Variants in SPNS1 observed in about 807,000 individuals in gnomAD.
SPNS1 encodes the protein protein spinster homolog 1.
A neutral mutation model predicts 50.3 loss-of-function variants in SPNS1; 22 were observed. That is an observed-to-expected ratio of 0.44 (90% CI 0.31 to 0.62). SPNS1 has a LOEUF of 0.62. Ranked by LOEUF, SPNS1 falls within the 20% of genes least tolerant of loss-of-function variation. The pLI, the probability that SPNS1 is intolerant of heterozygous loss-of-function variation, is 0.07. For synonymous variants in SPNS1, 295 were observed against 317.4 expected, an observed-to-expected ratio of 0.93 and a Z score of 0.75; for missense variants, 576 against 728.6, an observed-to-expected ratio of 0.79 and a Z score of 2.41.
rs4539629 is a variant in SPNS1, at chr16:28,981,434, C to T, written c.664-36C>T. 28,756 of 1,613,046 alleles carry T rather than the reference C, an allele frequency of 0.018. 1,582 individuals are homozygous for T. The Admixed American group carries it at 0.2, about 11-fold the overall frequency. ...TCCAGCCCAGGGCTTGAGTGTGTCT[C>T]TCCCTGTGCCTATCCTGAAGCCCTC... On this transcript the variant is annotated intron_variant, in intron 5 of 11. Transcript: ENST00000311008. The surrounding 1 kb of genome is among the most constrained non-coding windows in gnomAD (Gnocchi z 4.2).
chr16:28,981,943 C>T lies in SPNS1; in HGVS notation c.852C>T (p.Ala284=), dbSNP rs1412940435. ...VLSSLGFTAV[A]FVTGSLALWA... ...CTTCCCTGGGCTTCACTGCTGTGGC[C>T]TTTGTCACGGGCTCCCTGGCTCTGT... Residue 284 remains alanine (A), a synonymous_variant, in exon 7 of 12, where the codon GCC becomes GCT. Coordinates refer to ENST00000311008, the MANE Select transcript of SPNS1 (RefSeq NM_032038.3). This position sits in a 1 kb window ranked among gnomAD's most constrained non-coding sequence, Gnocchi z 4.2. 2 of 1,614,132 alleles carry T rather than the reference C, an allele frequency of 1.2e-6. No homozygotes were observed. Among genetic ancestry groups the T allele is most frequent in the Non-Finnish European group, 1.7e-6 (2 of 1,180,062 alleles).
intron 3 of SPNS1, chr16:28,978,885 C>G (rs1965436773): frequency 2.2e-6 from 1 of 451,826 alleles, no homozygotes; most frequent in South Asian, 3.4e-5. Context: ...TTATTTAGAC[C>G]TTTTATTGTC....
At position 28,974,862 on chromosome 16, in the gene SPNS1, G is replaced by C. The variant is rs2141659553; in HGVS notation, c.-290G>C. ...AGCAAGTGCAGCGGGCTCCTACCCCGGGTGAGGGGTGGCCTCCGCGTGGGA... is the reference window on the plus strand; with the variant it reads ...AGCAAGTGCAGCGGGCTCCTACCCCCGGTGAGGGGTGGCCTCCGCGTGGGA... On this transcript the variant is annotated 5_prime_UTR_variant, in exon 1 of 12. Coordinates refer to ENST00000311008, the MANE Select transcript of SPNS1 (RefSeq NM_032038.3). 4.6e-6 allele frequency: 7 copies of C among 1,535,248 alleles called. No homozygotes were observed. The highest frequency in any genetic ancestry group is 6.1e-6 in the Non-Finnish European group (7 of 1,146,380).
At chr16:28,979,608 T>C in intron 5 of SPNS1, 137 bp downstream of exon 5, 1 of 870,914 alleles carries the variant, frequency 1.1e-6, no homozygotes, top group African/African-American at 1.7e-5. Context: ...TGCAGTGCAG[T>C]GGTGCAGTCA....
At chr16:28,979,066 C>T (rs1370348455) in intron 3 of SPNS1, 89 bp from the exon 4 acceptor site, 8 of 1,508,190 alleles carry the variant, frequency 5.3e-6, no homozygotes, top group Non-Finnish European at 7.2e-6. Flanking sequence ...CTCCCGCCAT[C>T]CCTGCTGCCT....
At chr16:28,977,664 G>A (rs1246341838) in intron 2 of SPNS1, among the ~76,000 whole-genome samples, 1 of 152,170 alleles carries the variant, frequency 6.6e-6, no homozygotes, top group Non-Finnish European at 1.5e-5. Flanking sequence ...TTTTGGCTAG[G>A]TGGAAGGAAT....
chr16:28,980,438 C>T (rs2141671377), intron 5 of SPNS1: 1 of 152,214 alleles, frequency 6.6e-6, no homozygotes, highest in South Asian at 2.1e-4. Flanking sequence ...CTCCAAATAC[C>T]CCTTTTTTGG....
At chr16:28,977,519 T>A (rs1965387341) in intron 2 of SPNS1, among the ~76,000 whole-genome samples, 1 of 152,002 alleles carries the variant, frequency 6.6e-6, no homozygotes, top group Admixed American at 6.6e-5. Context: ...CCTAGTGGTA[T>A]TGGCCTTGAC....
At chr16:28,977,770 C>A in intron 2 of SPNS1, 138 bp from the exon 3 acceptor site, 1 of 1,091,572 alleles carries the variant, frequency 9.2e-7, no homozygotes, top group Non-Finnish European at 1.3e-6. Context: ...CTCTGATGGG[C>A]TTCAGGCTGG....
intron 2 of SPNS1, among the ~76,000 whole-genome samples, chr16:28,977,443 C>T (rs1292393135): frequency 6.6e-6 from 1 of 151,964 alleles, no homozygotes; most frequent in Non-Finnish European, 1.5e-5. Flanking sequence ...AGGAACTATG[C>T]TCTGTGAAGT....
intron 8 of SPNS1, 33 bp from the exon 9 acceptor site, chr16:28,982,824 C>G (rs771590384): frequency 1.2e-6 from 2 of 1,611,418 alleles, no homozygotes; most frequent in Non-Finnish European, 1.7e-6. Flanking sequence ...TTAGCCCTTA[C>G]TGTCATGAAC....
intron 9 of SPNS1, 39 bp downstream of exon 9, chr16:28,982,961 G>A: frequency 1.2e-6 from 2 of 1,609,348 alleles, no homozygotes; most frequent in African/African-American, 1.3e-5. Flanking sequence ...CGCAGAGGCT[G>A]ATGAGAGCAG....
At chr16:28,982,306 G>A in intron 7 of SPNS1, 50 bp from the exon 8 acceptor site, 1 of 1,522,582 alleles carries the variant, frequency 6.6e-7, no homozygotes. Flanking sequence ...CAGCGTAGGG[G>A]CCTTGGCAGG....
chr16:28,982,297 A>T, intron 7 of SPNS1, 59 bp from the exon 8 acceptor site: 1 of 1,512,138 alleles, frequency 6.6e-7, no homozygotes. Flanking sequence ...TAGGATGGAC[A>T]GCGTAGGGGC....
At chr16:28,978,837 T>A (rs1165877123) in intron 3 of SPNS1, 3 of 284,368 alleles carry the variant, frequency 1.1e-5, no homozygotes, top group Non-Finnish European at 2.0e-5. Context: ...AAAAAAAAAA[T>A]TAAAAAACTT....
chr16:28,975,183 G>A lies in SPNS1; in HGVS notation c.32G>A (p.Ser11Asn). 1 of 1,495,082 alleles carries A rather than the reference G, an allele frequency of 6.7e-7. No individual in the cohort carries two copies. The highest frequency in any genetic ancestry group is 8.9e-7 in the Non-Finnish European group (1 of 1,122,026). 92.6% of individuals were successfully genotyped at this position (1,495,082 alleles called of 1,614,324 possible). A position where few individuals can be genotyped will look rare whatever the true frequency, so the allele number is the denominator to read the frequency against. The change falls in exon 1 of 12, where the codon AGC becomes AAC. Residue 11 changes from serine to asparagine, a missense_variant. This residue lies in a region of SPNS1 where 144 missense variants were observed against 181.2 expected (regional missense o/e 0.79). Coordinates refer to ENST00000311008, the MANE Select transcript of SPNS1 (RefSeq NM_032038.3). ...GGGTCCGACACCGCGCCCTTCCTCA[G>A]CCAGGCGGATGACCCGGACGACGGG... is the stretch of plus-strand genomic sequence containing the variant. MAGSDTAPFL[S>N]QADDPDDGPV...
In SPNS1 at chr16:28,983,014, C is replaced by G. The variant is rs985959405; in HGVS notation, c.1221+92C>G. 2.1e-6 allele frequency: 3 copies of G among 1,410,192 alleles called. No homozygotes were observed. The Admixed American group carries it at 5.1e-5, about 24-fold the overall frequency. The allele number at this position is 1,410,192 out of a possible 1,614,324, so 87.4% of individuals were successfully genotyped here. A position where few individuals can be genotyped will look rare whatever the true frequency, so the allele number is the denominator to read the frequency against. ...TTGCCTCTACCCCTCAAAGCCCAGC[C>G]TCAACCTACCTTCTGCAATAAATAA... is the stretch of plus-strand genomic sequence containing the variant. On this transcript the variant is annotated intron_variant, in intron 9 of 11. Coordinates refer to ENST00000311008, the MANE Select transcript of SPNS1 (RefSeq NM_032038.3). This position sits in a 1 kb window ranked among gnomAD's most constrained non-coding sequence, Gnocchi z 5.4.
At chr16:28,984,068 T>G in intron 11 of SPNS1, 111 bp downstream of exon 11, 1 of 1,448,014 alleles carries the variant, frequency 6.9e-7, no homozygotes, top group South Asian at 1.4e-5. Flanking sequence ...TCCCCTTGTT[T>G]GGCCTCCAGT....
At position 28,984,190 on chromosome 16, in the gene SPNS1, A is replaced by G; in HGVS notation, c.1493-15A>G. 6.5e-7 allele frequency: 1 copy of G among 1,547,908 alleles called. No individual in the cohort carries two copies. Among genetic ancestry groups the G allele is most frequent in the Non-Finnish European group, 8.7e-7 (1 of 1,146,394 alleles). ...GTCCATCCAGCTCACCCTGGCTCTGACCCTCCCCCCTCAGGCCTGCTGCAC... is the reference window on the plus strand; with the variant it reads ...GTCCATCCAGCTCACCCTGGCTCTGGCCCTCCCCCCTCAGGCCTGCTGCAC... On this transcript the variant is annotated splice_polypyrimidine_tract_variant and intron_variant, in intron 11 of 11. Coordinates refer to ENST00000311008, the MANE Select transcript of SPNS1 (RefSeq NM_032038.3).
Sources: gnomAD v4.1 joint callset for allele counts (sites outside exome capture counted in the v4.1 genomes callset) on GRCh38, gnomAD v4.1.1 for gene constraint, gnomAD v4.1.1 regional missense constraint, Gnocchi (gnomAD v3.1) non-coding constraint, MANE v1.5 for transcripts, NCBI Gene and HGNC (gene_info 2026-07-23, HGNC 2026-07-21) for gene names.